The following PDIA4 variants were observed in gnomAD, a reference collection of about 807,000 sequenced individuals.
The protein encoded by PDIA4 is protein disulfide isomerase family A member 4.
A neutral mutation model predicts 62.1 loss-of-function variants in PDIA4; 33 were observed. That is an observed-to-expected ratio of 0.53 (90% CI 0.40 to 0.71). The LOEUF (loss-of-function observed/expected upper bound fraction) is 0.71. Ranked by LOEUF, PDIA4 falls within the 30% of genes least tolerant of loss-of-function variation. The probability of loss-of-function intolerance (pLI) is 0.00; values close to 1 mark genes in which losing one functional copy is unlikely to be tolerated. For synonymous variants in PDIA4, 341 were observed against 324.1 expected (o/e 1.05, Z -0.56); for missense variants, 804 against 813.6 (o/e 0.99, Z 0.14).
Position 149,004,209 on chromosome 7 carries a change from C to T in PDIA4, c.1523G>A (p.Gly508Glu), listed in dbSNP as rs1183806892. 1 of 1,610,164 alleles carries T rather than the reference C, an allele frequency of 6.2e-7. No individual in the cohort carries two copies. The highest frequency in any genetic ancestry group is 8.5e-7 in the Non-Finnish European group (1 of 1,177,454). ...LREFVTAFKK[G>E]KLKPVIKSQP... Reference sequence around the variant, plus strand: ...GGATTTGATGACTGGCTTCAGTTTTCCTGCCAAGGAAAGCAAGGCGGGAGG... The same window carrying T: ...GGATTTGATGACTGGCTTCAGTTTTTCTGCCAAGGAAAGCAAGGCGGGAGG... Residue 508 changes from glycine to glutamate, a missense_variant and splice_region_variant, in exon 10 of 10, where the codon GGA becomes GAA. By Grantham distance (98) the Gly-to-Glu change is moderately conservative. Transcript: ENST00000652332.
chr7:149,012,472 G>T (rs559785986), intron 4 of PDIA4, 112 bp from the exon 5 acceptor site: 37 of 870,394 alleles, frequency 4.3e-5, no homozygotes, highest in Non-Finnish European at 5.6e-5. Context: ...GCCACACCCA[G>T]TAAGCCTCCG....
chr7:149,008,789 A>G (rs1823846288), intron 6 of PDIA4, among the ~76,000 whole-genome samples: 1 of 151,828 alleles, frequency 6.6e-6, no homozygotes. Flanking sequence ...TAACTTAAAC[A>G]CTTGAAAGGA....
rs1047009722 is a variant in PDIA4 at position 149,028,420 on chromosome 7, C to T, written c.-12G>A. 4 of 1,482,038 alleles carry T rather than the reference C, an allele frequency of 2.7e-6. No homozygotes were observed. Among genetic ancestry groups the T allele is most frequent in the African/African-American group, 1.5e-5 (1 of 68,090 alleles). 91.8% of individuals were successfully genotyped at this position (1,482,038 alleles called of 1,614,324 possible). On this transcript the variant is annotated 5_prime_UTR_variant, in exon 1 of 10. Coordinates refer to ENST00000652332, the MANE Select transcript of PDIA4 (RefSeq NM_004911.5). ...TTCCGGGGCCTCATGGTAGCGGGGG[C>T]GGAGCGCGGCCTCCTAGCGTCGGCG...
Position 149,005,175 on chromosome 7 carries a change from G to A in PDIA4, c.1488C>T (p.Asp496=), listed in dbSNP as rs1347107130. The A allele has an allele frequency of 6.2e-7, 1 of 1,613,986 alleles. No individual in the cohort carries two copies. The highest frequency in any genetic ancestry group is 8.5e-7 in the Non-Finnish European group (1 of 1,179,866). The change falls in exon 9 of 10, where the codon GAC becomes GAT. Residue 496 remains aspartate (D), a synonymous_variant. Transcript: ENST00000652332. ...FAMEPEEFDS[D]TLREFVTAFK... ...AAGCAGTGACAAACTCGCGGAGGGT[G>A]TCAGAGTCAAACTCCTCTGGCTCCA...
chr7:149,011,800 G>A (rs769187636), intron 6 of PDIA4, 46 bp downstream of exon 6: 7 of 1,478,714 alleles, frequency 4.7e-6, no homozygotes, highest in Non-Finnish European at 6.3e-6. Flanking sequence ...ACCGCAGACG[G>A]CCCAAGGCAC....
At position 149,015,025 on chromosome 7, in the gene PDIA4, T is replaced by C; in HGVS notation, c.493A>G (p.Arg165Gly). 6.2e-7 allele frequency: 1 copy of C among 1,614,222 alleles called. No individual in the cohort carries two copies. Among genetic ancestry groups the C allele is most frequent in the African/African-American group, 1.3e-5 (1 of 75,064 alleles). Reference protein sequence around the residue: ...RTQEEIVAKVREVSQPDWTPP... With the variant: ...RTQEEIVAKVGEVSQPDWTPP... ...GTCCAGTCGGGCTGGGAGACTTCTC[T>C]GACCTTGGCAACAATTTCTGAAAGA... The change falls in exon 4 of 10, where the codon AGA becomes GGA. Residue 165 changes from arginine to glycine, a missense_variant. Transcript: ENST00000652332.
intron 3 of PDIA4, 81 bp from the exon 4 acceptor site, chr7:149,015,123 G>A: frequency 6.9e-7 from 1 of 1,439,672 alleles, no homozygotes; most frequent in Non-Finnish European, 9.6e-7. Context: ...AGATGAGGAG[G>A]GGGAAGAAAG....
chr7:149,015,098 C>T, intron 3 of PDIA4, 56 bp from the exon 4 acceptor site: 1 of 1,588,786 alleles, frequency 6.3e-7, no homozygotes. Context: ...AGGCACTTCA[C>T]CTCCCTCCAG....
chr7:149,020,531 T>C (rs528264009), intron 2 of PDIA4, among the ~76,000 whole-genome samples: 36 of 152,118 alleles, frequency 2.4e-4, no homozygotes, highest in African/African-American at 7.7e-4. Flanking sequence ...TAGTAAAAAA[T>C]CCACCACACA....
rs1286920112 is a variant in PDIA4, at chr7:149,003,517, GAAAT to G, written c.*273_*276del. The G allele has an allele frequency of 3.1e-6, 1 of 322,226 alleles. No homozygotes were observed. Among genetic ancestry groups the G allele is most frequent in the East Asian group, 4.9e-5 (1 of 20,362 alleles). The allele number at this position is 322,226 out of a possible 1,614,324, so 20.0% of individuals were successfully genotyped here. A position where few individuals can be genotyped will look rare whatever the true frequency, so the allele number is the denominator to read the frequency against. ...CACACAGAAGAATTATCTGCTTTGA[GAAAT>G]AAAGAAATTAGAAGGTGTAAAAAAA... On this transcript the variant is annotated 3_prime_UTR_variant, in exon 10 of 10. Coordinates refer to ENST00000652332, the MANE Select transcript of PDIA4 (RefSeq NM_004911.5).
In PDIA4 at chr7:149,019,170, C is replaced by G; in HGVS notation, c.297G>C (p.Pro99=). The part of the protein sequence containing the change: ...PWCGHCKQFA[P]EYEKIANILK... Reference sequence around the variant, plus strand: ...ATATGTTGGCAATTTTTTCATATTCCGGAGCAAACTGCTTGCAATGTCCAC... The same window carrying G: ...ATATGTTGGCAATTTTTTCATATTCGGGAGCAAACTGCTTGCAATGTCCAC... The change falls in exon 3 of 10, where the codon CCG becomes CCC. Residue 99 remains proline (P), a synonymous_variant. Coordinates refer to ENST00000652332, the MANE Select transcript of PDIA4 (RefSeq NM_004911.5). 6.2e-7 allele frequency: 1 copy of G among 1,613,596 alleles called. No individual in the cohort carries two copies. Among genetic ancestry groups the G allele is most frequent in the Non-Finnish European group, 8.5e-7 (1 of 1,179,674 alleles).
chr7:149,020,792 C>T (rs975442392), intron 2 of PDIA4, among the ~76,000 whole-genome samples, 175 bp downstream of exon 2: 1 of 152,194 alleles, frequency 6.6e-6, no homozygotes, highest in Non-Finnish European at 1.5e-5. Flanking sequence ...GCTCACTGGC[C>T]GTTCAACGCA....
intron 1 of PDIA4, among the ~76,000 whole-genome samples, chr7:149,024,518 A>G (rs1824468327): frequency 6.6e-6 from 1 of 152,140 alleles, no homozygotes; most frequent in Admixed American, 6.6e-5. Flanking sequence ...CTAGGATAGA[A>G]AATACATCCA....
rs1174900278 is a variant in PDIA4, at chr7:149,003,647, G to A, written c.*147C>T. 7 of 527,852 alleles carry A rather than the reference G, an allele frequency of 1.3e-5. No individual in the cohort carries two copies. Among genetic ancestry groups the A allele is most frequent in the Non-Finnish European group, 2.2e-5 (7 of 313,108 alleles). 32.7% of individuals were successfully genotyped at this position (527,852 alleles called of 1,614,324 possible). On this transcript the variant is annotated 3_prime_UTR_variant, in exon 10 of 10. Transcript: ENST00000652332. ...CATGGTTATTCAGTATTCAGAGCAT[G>A]AAGTGAAACACCAAAGTATAAAAAA... is the stretch of plus-strand genomic sequence containing the variant.
intron 3 of PDIA4, among the ~76,000 whole-genome samples, chr7:149,017,384 G>A (rs1447926955): frequency 6.6e-6 from 1 of 152,180 alleles, no homozygotes; most frequent in Non-Finnish European, 1.5e-5. Flanking sequence ...GGGAGTTTGA[G>A]ACCAGCCTGA....
chr7:149,017,952 G>C (rs1041800779), intron 3 of PDIA4, among the ~76,000 whole-genome samples: 1 of 152,142 alleles, frequency 6.6e-6, no homozygotes, highest in African/African-American at 2.4e-5. Flanking sequence ...ATTATTGGGC[G>C]GGCGTGGTGG....
At position 149,005,047 on chromosome 7, in the gene PDIA4, C is replaced by T. The variant is rs555264948; in HGVS notation, c.1522+94G>A. The stretch of plus-strand genomic sequence containing the variant: ...GGCTGACTTAAGGGGGTGTCGTGCC[C>T]GTGGCCAGAGCACCAGACGCCCCTG... On this transcript the variant is annotated intron_variant, in intron 9 of 9. Transcript: ENST00000652332. The T allele has an allele frequency of 1.2e-4, 112 of 929,922 alleles. No individual in the cohort carries two copies. The African/African-American group carries it at 1.3e-3, about 10-fold the overall frequency. The allele number at this position is 929,922 out of a possible 1,614,324, so 57.6% of individuals were successfully genotyped here. A position where few individuals can be genotyped will look rare whatever the true frequency, so the allele number is the denominator to read the frequency against.
At chr7:149,018,356 C>T (rs555840320) in intron 3 of PDIA4, among the ~76,000 whole-genome samples, 3 of 152,186 alleles carry the variant, frequency 2.0e-5, no homozygotes, top group East Asian at 1.9e-4. Flanking sequence ...AGATGACTGA[C>T]GCTTGCTAAA....
chr7:149,010,670 G>A (rs1364560272), intron 6 of PDIA4, among the ~76,000 whole-genome samples: 2 of 152,158 alleles, frequency 1.3e-5, no homozygotes, highest in East Asian at 1.9e-4. Context: ...TCTCTGCTCC[G>A]GCCCTGCCAA....
Sources: gnomAD v4.1 joint callset for allele counts (sites outside exome capture counted in the v4.1 genomes callset) on GRCh38, gnomAD v4.1.1 for gene constraint, MANE v1.5 for transcripts, NCBI Gene and HGNC (gene_info 2026-07-23, HGNC 2026-07-21) for gene names.